SIGLEC9: variants seen among roughly 807,000 people sequenced by gnomAD.
The protein encoded by SIGLEC9 is sialic acid binding Ig like lectin 9.
A neutral mutation model predicts 38.3 loss-of-function variants in SIGLEC9; 26 were observed. The observed-to-expected ratio is 0.68, with a 90% CI of 0.50 to 0.94. The LOEUF (loss-of-function observed/expected upper bound fraction) is 0.94. Ranked by LOEUF, SIGLEC9 falls within the 40% of genes least tolerant of loss-of-function variation. The pLI, the probability that SIGLEC9 is intolerant of heterozygous loss-of-function variation, is 0.00. For missense variants in SIGLEC9, 556 were observed against 585.7 expected, an observed-to-expected ratio of 0.95 and a Z score of 0.52; for synonymous variants, 236 against 248.0, an observed-to-expected ratio of 0.95 and a Z score of 0.45.
In SIGLEC9 at chr19:51,128,009, T is replaced by G. The variant is rs767479480; in HGVS notation, c.1076T>G (p.Val359Gly). ...VVGGAGATAL[V>G]FLSFCVIFVV... ...GGGGGAGCTGGAGCCACAGCCCTGG[T>G]CTTCCTGTCCTTCTGCGTCATCTTC... The change falls in exon 5 of 7, where the codon GTC becomes GGC. Residue 359 changes from valine (V) to glycine (G), a missense_variant. Coordinates refer to ENST00000250360, the MANE Select transcript of SIGLEC9 (RefSeq NM_014441.3). The G allele has an allele frequency of 1.2e-6, 2 of 1,614,036 alleles. No individual in the cohort carries two copies. The highest frequency in any genetic ancestry group is 1.7e-6 in the Non-Finnish European group (2 of 1,179,896).
At chr19:51,130,771 T>A (rs1237075090), downstream of SIGLEC9, among the ~76,000 whole-genome samples, 1 of 152,166 alleles carries the variant, frequency 6.6e-6, no homozygotes, top group African/African-American at 2.4e-5. Flanking sequence ...TCCCATCACA[T>A]CCTCTTCGTG....
upstream of SIGLEC9, chr19:51,120,562 T>C (rs543211684): frequency 6.6e-6 from 1 of 152,598 alleles, no homozygotes. The surrounding 1 kb of genome is among the most constrained non-coding windows in gnomAD (Gnocchi z 4.1). Context: ...CATGGGCCGG[T>C]GAGAAGGGAA....
chr19:51,134,023 C>T (rs187286099), downstream of SIGLEC9, among the ~76,000 whole-genome samples: 191 of 151,942 alleles, frequency 1.3e-3, no homozygotes, highest in African/African-American at 4.3e-3. Context: ...ACAGGCCAAA[C>T]TAATCTACAA....
chr19:51,123,769 A>G (rs556416601), upstream of SIGLEC9, among the ~76,000 whole-genome samples: 1 of 152,252 alleles, frequency 6.6e-6, no homozygotes, highest in South Asian at 2.1e-4. Flanking sequence ...TTTTATCTAT[A>G]TGGCTTATAT....
At chr19:51,134,209 G>A (rs2092031884), downstream of SIGLEC9, among the ~76,000 whole-genome samples, 1 of 124,958 alleles carries the variant, frequency 8.0e-6, no homozygotes, top group Non-Finnish European at 1.6e-5. Context: ...GGGCTGGAGT[G>A]CAGTGGCTCA....
chr19:51,131,510 C>T (rs1285088523), downstream of SIGLEC9, among the ~76,000 whole-genome samples: 1 of 151,254 alleles, frequency 6.6e-6, no homozygotes, highest in Non-Finnish European at 1.5e-5. Context: ...GGCGTGAACC[C>T]GGGTGGTGGA....
At position 51,125,099 on chromosome 19, in the gene SIGLEC9, C is replaced by G. The variant is rs763988419; in HGVS notation, c.125C>G (p.Ser42Cys). The part of the protein sequence containing the change: ...QEGLCVHVPC[S>C]FSYPSHGWIY... The stretch of plus-strand genomic sequence containing the variant: ...GGCCTGTGTGTCCATGTGCCCTGCT[C>G]CTTCTCCTACCCCTCGCATGGCTGG... Residue 42 changes from serine (S) to cysteine (C), a missense_variant, in exon 1 of 7, where the codon TCC (serine) becomes TGC (cysteine). Physicochemically the swap from Ser to Cys is moderately radical, Grantham distance 112. Transcript: ENST00000250360. 8 of 1,613,964 alleles carry G rather than the reference C, an allele frequency of 5.0e-6. No homozygotes were observed. The highest frequency in any genetic ancestry group is 6.8e-6 in the Non-Finnish European group (8 of 1,180,016).
At chr19:51,129,432 T>C (rs2092002512) in intron 6 of SIGLEC9, among the ~76,000 whole-genome samples, 1 of 151,996 alleles carries the variant, frequency 6.6e-6, no homozygotes, top group Admixed American at 6.6e-5. Context: ...GTGCTGGGAT[T>C]ACAGGCGTGA....
chr19:51,124,634 AT>A (rs1411536774), upstream of SIGLEC9, among the ~76,000 whole-genome samples: 1 of 151,844 alleles, frequency 6.6e-6, no homozygotes, highest in Non-Finnish European at 1.5e-5. Context: ...GATGGGACTC[AT>A]TTTCACCCTG....
chr19:51,127,918 T>A (rs1258221356), intron 4 of SIGLEC9, 31 bp from the exon 5 acceptor site: 1 of 1,407,512 alleles, frequency 7.1e-7, no homozygotes, highest in East Asian at 2.3e-5. Flanking sequence ...CTCTATGATA[T>A]ATCACAAAAA....
In SIGLEC9 at chr19:51,125,842, A is replaced by G. The variant is rs200222582; in HGVS notation, c.667A>G (p.Thr223Ala). 1.9e-6 allele frequency: 3 copies of G among 1,614,086 alleles called. No homozygotes were observed. Among genetic ancestry groups the G allele is most frequent in the African/African-American group, 2.7e-5 (2 of 75,016 alleles). Residue 223 changes from threonine to alanine, a missense_variant, in exon 2 of 7, where the codon ACC becomes GCC. Transcript: ENST00000250360. ...CQVTFPGASV[T>A]TNKTVHLNVS... is the part of the protein sequence containing the mutation. ...GGTGACCTTCCCTGGGGCCAGCGTG[A>G]CCACGAACAAGACCGTCCATCTCAA...
At position 51,127,329 on chromosome 19, in the gene SIGLEC9, AGAG is replaced by A. The variant is rs765306445; in HGVS notation, c.1015+37_1015+39del. 1.1e-5 allele frequency: 17 copies of A among 1,571,962 alleles called. No individual in the cohort carries two copies. The East Asian group carries it at 1.8e-4, about 17-fold the overall frequency. On this transcript the variant is annotated intron_variant, in intron 4 of 6. Coordinates refer to ENST00000250360, the MANE Select transcript of SIGLEC9 (RefSeq NM_014441.3). Reference sequence around the variant, plus strand: ...CACCAGTATGCTGGGGAGGGGCTGGAGAGGAGAACACACCTCCTCCACCCTTAG... The same window carrying A: ...CACCAGTATGCTGGGGAGGGGCTGGAGAGAACACACCTCCTCCACCCTTAG...
At chr19:51,126,055 C>G in intron 2 of SIGLEC9, 26 bp from the exon 3 acceptor site, 2 of 1,612,346 alleles carry the variant, frequency 1.2e-6, no homozygotes, top group South Asian at 1.1e-5. Flanking sequence ...CACAGTGATG[C>G]GGGTCTCCAT....
Position 51,128,426 on chromosome 19 carries a change from C to A in SIGLEC9, c.1119C>A (p.Cys373Ter), listed in dbSNP as rs1490844228. Residue 373 changes from cysteine (C) to a stop codon, truncating the protein, a stop_gained, in exon 6 of 7, where the codon TGC (cysteine) becomes TGA (stop). Transcript: ENST00000250360. LOFTEE classifies it high-confidence loss of function. Reference sequence around the variant, plus strand: ...TCTCTTCACTCAGAGTGAGGTCCTGCAGGAAGAAATCGGCAAGGCCAGCAG... The same window carrying A: ...TCTCTTCACTCAGAGTGAGGTCCTGAAGGAAGAAATCGGCAAGGCCAGCAG... Reference protein sequence around the residue: ...FCVIFVVVRSCRKKSARPAAG... With the variant: ...FCVIFVVVRS 2 of 1,613,966 alleles carry A rather than the reference C, an allele frequency of 1.2e-6. No homozygotes were observed. Among genetic ancestry groups the A allele is most frequent in the Admixed American group, 3.3e-5 (2 of 59,994 alleles).
chr19:51,127,994 G>A lies in SIGLEC9; in HGVS notation c.1061G>A (p.Gly354Glu), dbSNP rs763446784. The A allele has an allele frequency of 1.9e-6, 3 of 1,613,996 alleles. No homozygotes were observed. The highest frequency in any genetic ancestry group is 2.7e-5 in the African/African-American group (2 of 74,910). The change falls in exon 5 of 7, where the codon GGA becomes GAA. Residue 354 changes from glycine (G) to glutamate (E), a missense_variant. Coordinates refer to ENST00000250360, the MANE Select transcript of SIGLEC9 (RefSeq NM_014441.3). Reference sequence around the variant, plus strand: ...ACTCAGGGGGTGGTCGGGGGAGCTGGAGCCACAGCCCTGGTCTTCCTGTCC... The same window carrying A: ...ACTCAGGGGGTGGTCGGGGGAGCTGAAGCCACAGCCCTGGTCTTCCTGTCC... The part of the protein sequence containing the change: ...GVTQGVVGGA[G>E]ATALVFLSFC...
chr19:51,126,981 T>G, intron 3 of SIGLEC9, 49 bp from the exon 4 acceptor site: 1 of 1,560,812 alleles, frequency 6.4e-7, no homozygotes, highest in South Asian at 1.1e-5. Flanking sequence ...ATCCTTCCTT[T>G]TTCTCCAGAT....
intron 2 of SIGLEC9, 94 bp downstream of exon 2, chr19:51,125,969 G>C: frequency 1.9e-6 from 3 of 1,587,274 alleles, no homozygotes; most frequent in Non-Finnish European, 2.6e-6. Flanking sequence ...CTGGTGGTGG[G>C]GTCAGGAGGA....
At chr19:51,128,887 C>T (rs904285315) in intron 6 of SIGLEC9, 32 of 195,444 alleles carry the variant, frequency 1.6e-4, no homozygotes, top group African/African-American at 7.4e-4. Flanking sequence ...CAAATACTAT[C>T]TGTCAGGGAC....
chr19:51,129,529 C>T (rs990211726), intron 6 of SIGLEC9, among the ~76,000 whole-genome samples: 4 of 151,640 alleles, frequency 2.6e-5, no homozygotes, highest in African/African-American at 9.7e-5. Flanking sequence ...GAGGCTGTTG[C>T]CTCAAGTGCA....
Sources: allele counts gnomAD v4.1 joint callset (sites outside exome capture counted in the v4.1 genomes callset), GRCh38; gene constraint gnomAD v4.1.1; non-coding constraint Gnocchi (gnomAD v3.1); transcripts MANE v1.5; gene names NCBI Gene and HGNC (gene_info 2026-07-23, HGNC 2026-07-21).